IQCJ: variants seen among roughly 807,000 people sequenced by gnomAD.
IQCJ encodes IQ domain-containing protein J.
IQCJ carries 9 observed loss-of-function variants against 11.0 expected under a neutral mutation model. That is an observed-to-expected ratio of 0.82 (90% CI 0.49 to 1.43). The LOEUF (loss-of-function observed/expected upper bound fraction) is 1.43. IQCJ is among the 40% of genes most tolerant of loss of function. The pLI is 0.00. For missense variants in IQCJ, 146 were observed against 133.2 expected, an observed-to-expected ratio of 1.10 and a Z score of -0.47; for synonymous variants, 55 against 51.3, an observed-to-expected ratio of 1.07 and a Z score of -0.31.
Position 159,263,146 on chromosome 3 carries a change from A to C in IQCJ, c.*415A>C. The stretch of plus-strand genomic sequence containing the variant: ...TCCAGGGGCCAGGTAAGTCACCCTC[A>C]TGACTGAGGTGGCTGAGCTGTGCCC... On this transcript the variant is annotated 3_prime_UTR_variant, in exon 4 of 4. Transcript: ENST00000397832. The C allele has an allele frequency of 5.9e-6, 5 of 841,256 alleles. No individual in the cohort carries two copies. The highest frequency in any genetic ancestry group is 1.1e-4 in the South Asian group (2 of 18,740). 52.1% of individuals were successfully genotyped at this position (841,256 alleles called of 1,614,324 possible). A position where few individuals can be genotyped will look rare whatever the true frequency, so the allele number is the denominator to read the frequency against.
chr3:159,081,489 A>T (rs558000657), intron 1 of IQCJ, among the ~76,000 whole-genome samples: 25 of 152,212 alleles, frequency 1.6e-4, no homozygotes, highest in African/African-American at 6.0e-4. Context: ...TTCTTTTTGT[A>T]GTTAATTGTG....
intron 1 of IQCJ, among the ~76,000 whole-genome samples, chr3:159,193,440 G>T (rs766702765): frequency 9.9e-5 from 15 of 152,144 alleles, no homozygotes; most frequent in Non-Finnish European, 2.2e-4. Flanking sequence ...TGTGATAGGA[G>T]CAGTGGTCCC....
At chr3:159,140,233 G>A (rs1214456351) in intron 1 of IQCJ, among the ~76,000 whole-genome samples, 6 of 152,158 alleles carry the variant, frequency 3.9e-5, no homozygotes, top group South Asian at 2.1e-4. Flanking sequence ...AACGTATAAT[G>A]ACATGTACCT....
At chr3:159,261,823 G>A (rs542786894) in intron 3 of IQCJ, among the ~76,000 whole-genome samples, 21 of 148,310 alleles carry the variant, frequency 1.4e-4, no homozygotes, top group Non-Finnish European at 2.7e-4. Flanking sequence ...TTCCTTAGGC[G>A]AAACCTGAAA....
In IQCJ at chr3:159,238,843, T is replaced by G. The variant is rs13322130; in HGVS notation, c.10-7000T>G. 6.4e-3 allele frequency among the ~76,000 whole-genome samples: 976 copies of G among 152,092 alleles called. 14 individuals carry two copies. Among genetic ancestry groups the G allele is most frequent in the African/African-American group, 0.022 (927 of 41,492 alleles). Reference sequence around the variant, plus strand: ...TTTGACTGGGCTCAGAGAAGAAGTGTGTGCAGGGGCCAATGAGGTGGAGTG... The same window carrying G: ...TTTGACTGGGCTCAGAGAAGAAGTGGGTGCAGGGGCCAATGAGGTGGAGTG... On this transcript the variant is annotated intron_variant, in intron 1 of 3. Transcript: ENST00000397832.
chr3:159,250,282 A>T (rs1727519413), intron 2 of IQCJ, among the ~76,000 whole-genome samples: 2 of 152,178 alleles, frequency 1.3e-5, no homozygotes, highest in African/African-American at 4.8e-5. Context: ...ATATTATGAA[A>T]GTTTTATTTT....
chr3:159,262,762 C>T lies in IQCJ; in HGVS notation c.*31C>T, dbSNP rs1355758203. 1 of 1,600,888 alleles carries T rather than the reference C, an allele frequency of 6.2e-7. No individual in the cohort carries two copies. The highest frequency in any genetic ancestry group is 2.2e-5 in the East Asian group (1 of 44,624). On this transcript the variant is annotated 3_prime_UTR_variant, in exon 4 of 4. Coordinates refer to ENST00000397832, the MANE Select transcript of IQCJ (RefSeq NM_001042706.3). Reference sequence around the variant, plus strand: ...TAGACTTTGGTTCTAAGAGAGAAATCTTGGGATGTGAGCAGGTGGTTTGTG... The same window carrying T: ...TAGACTTTGGTTCTAAGAGAGAAATTTTGGGATGTGAGCAGGTGGTTTGTG...
chr3:159,191,360 T>A (rs1295132038), intron 1 of IQCJ, among the ~76,000 whole-genome samples: 2 of 152,118 alleles, frequency 1.3e-5, no homozygotes, highest in Non-Finnish European at 2.9e-5. Context: ...GTTTACAGAC[T>A]GAGGACCTAA....
intron 1 of IQCJ, among the ~76,000 whole-genome samples, chr3:159,127,631 C>T (rs1218109023): frequency 1.3e-5 from 2 of 152,122 alleles, no homozygotes; most frequent in Non-Finnish European, 2.9e-5. Flanking sequence ...ATGACTGTTC[C>T]TGGACACAGA....
chr3:159,165,865 G>A (rs866582527), intron 1 of IQCJ, among the ~76,000 whole-genome samples: 9 of 143,998 alleles, frequency 6.3e-5, no homozygotes, highest in Admixed American at 1.5e-4. Context: ...TCTTGACCTC[G>A]TGATCTCCCC....
chr3:159,262,863 C>T lies in IQCJ; in HGVS notation c.*132C>T. Reference sequence around the variant, plus strand: ...GTTTTGTCACCTCAAAATAAAGACACAATTCATAAGCACAAAGTGAACTTT... The same window carrying T: ...GTTTTGTCACCTCAAAATAAAGACATAATTCATAAGCACAAAGTGAACTTT... On this transcript the variant is annotated 3_prime_UTR_variant, in exon 4 of 4. Coordinates refer to ENST00000397832, the MANE Select transcript of IQCJ (RefSeq NM_001042706.3). The T allele has an allele frequency of 1.4e-6, 2 of 1,418,236 alleles. No homozygotes were observed. Among genetic ancestry groups the T allele is most frequent in the Middle Eastern group, 3.8e-4 (2 of 5,228 alleles). 87.9% of individuals were successfully genotyped at this position (1,418,236 alleles called of 1,614,324 possible). A position where few individuals can be genotyped will look rare whatever the true frequency, so the allele number is the denominator to read the frequency against.
chr3:159,075,304 T>G (rs1715837371), intron 1 of IQCJ, among the ~76,000 whole-genome samples: 1 of 152,116 alleles, frequency 6.6e-6, no homozygotes, highest in South Asian at 2.1e-4. Context: ...GGAAAACCCT[T>G]GTAGGAATAT....
At position 159,154,269 on chromosome 3, in the gene IQCJ, G is replaced by C. The variant is rs1721390965; in HGVS notation, c.9+84828G>C. Among the ~76,000 whole-genome samples, 2 of 152,008 alleles carry C rather than the reference G, an allele frequency of 1.3e-5. 1 individual carries two copies. Among genetic ancestry groups the C allele is most frequent in the South Asian group, 4.2e-4 (2 of 4,814 alleles). On this transcript the variant is annotated intron_variant, in intron 1 of 3. Coordinates refer to ENST00000397832, the MANE Select transcript of IQCJ (RefSeq NM_001042706.3). Reference sequence around the variant, plus strand: ...CTCCACTTTAAAGAAATCCAAATTGGAAATCAGCACTGTGGCACCGTAGGC... The same window carrying C: ...CTCCACTTTAAAGAAATCCAAATTGCAAATCAGCACTGTGGCACCGTAGGC...
chr3:159,131,304 C>T (rs1159110618), intron 1 of IQCJ, among the ~76,000 whole-genome samples: 6 of 152,016 alleles, frequency 3.9e-5, no homozygotes, highest in Non-Finnish European at 8.8e-5. Flanking sequence ...ACACCACCCC[C>T]CGCCTCACCC....
chr3:159,213,349 C>G (rs1725054902), intron 1 of IQCJ, among the ~76,000 whole-genome samples: 1 of 152,136 alleles, frequency 6.6e-6, no homozygotes, highest in Non-Finnish European at 1.5e-5. Context: ...GTCAAACCAT[C>G]TGGTTTTATT....
intron 3 of IQCJ, among the ~76,000 whole-genome samples, chr3:159,253,526 C>A (rs568583540): frequency 6.6e-6 from 1 of 152,000 alleles, no homozygotes; most frequent in South Asian, 2.1e-4. Context: ...GAGATCTTTT[C>A]CTGTTCTGAT....
chr3:159,083,770 T>C (rs1332700377), intron 1 of IQCJ, among the ~76,000 whole-genome samples: 1 of 152,164 alleles, frequency 6.6e-6, no homozygotes, highest in Non-Finnish European at 1.5e-5. Flanking sequence ...GGAATATCAT[T>C]CTGTGGTATT....
intron 1 of IQCJ, among the ~76,000 whole-genome samples, chr3:159,072,792 C>T (rs1715661607): frequency 6.6e-6 from 1 of 152,030 alleles, no homozygotes; most frequent in Admixed American, 6.6e-5. Context: ...GTTTAATTAA[C>T]TTGTCTGAGT....
chr3:159,091,094 C>CTT (rs35388050), intron 1 of IQCJ, among the ~76,000 whole-genome samples: 1 of 150,084 alleles, frequency 6.7e-6, no homozygotes, highest in African/African-American at 2.5e-5. Flanking sequence ...TTCTTAGGGC[C>CTT]TTTTTTTTTA....
Sources: gnomAD v4.1 joint callset for allele counts (sites outside exome capture counted in the v4.1 genomes callset) on GRCh38, gnomAD v4.1.1 for gene constraint, MANE v1.5 for transcripts, NCBI Gene and HGNC (gene_info 2026-07-23, HGNC 2026-07-21) for gene names.